Variants in PHF20L1 observed in about 807,000 individuals in gnomAD.
The protein encoded by PHF20L1 is PHD finger protein 20 like 1.
PHF20L1 carries 44 observed loss-of-function variants against 125.5 expected under a neutral mutation model. That is an observed-to-expected ratio of 0.35 (90% confidence interval 0.28 to 0.45). The LOEUF is 0.45. Among genes scored for constraint, PHF20L1 ranks in the 20% least tolerant of loss-of-function variants. PHF20L1 has a pLI of 1.00. For synonymous variants in PHF20L1, 380 were observed against 403.1 expected (o/e 0.94, Z 0.69); for missense variants, 1,012 against 1,217.2 (o/e 0.83, Z 2.51).
At chr8:132,845,655 G>A (rs1380952371) in intron 20 of PHF20L1, 126 bp from the exon 21 acceptor site, 2 of 670,894 alleles carry the variant, frequency 3.0e-6, no homozygotes, top group African/African-American at 1.8e-5. Context: ...TCTTGAGTAT[G>A]TTGGCCTTCT....
chr8:132,798,772 G>T lies in PHF20L1; in HGVS notation c.341G>T (p.Gly114Val). 1 of 1,593,940 alleles carries T rather than the reference G, an allele frequency of 6.3e-7. No individual in the cohort carries two copies. The highest frequency in any genetic ancestry group is 8.6e-7 in the Non-Finnish European group (1 of 1,165,080). The change falls in exon 5 of 21, where the codon GGA becomes GTA. Residue 114 changes from glycine (G) to valine (V), a missense_variant and splice_region_variant. Physicochemically the swap from Gly to Val is moderately radical, Grantham distance 109 (BLOSUM62 -3). Transcript: ENST00000395386. ...PAKIEAINKE[G>V]TFTVQFYDGV... ...TGATTCTGACTTGCTCCTGTTTCAG[G>T]AACATTTACAGTTCAGTTTTATGAT...
chr8:132,798,848 T>A lies in PHF20L1; in HGVS notation c.417T>A (p.Asp139Glu), dbSNP rs762164069. The A allele has an allele frequency of 1.2e-6, 2 of 1,606,656 alleles. No individual in the cohort carries two copies. The highest frequency in any genetic ancestry group is 3.4e-5 in the Admixed American group (2 of 59,644). Reference protein sequence around the residue: ...KRMHIKAMPEDAKGQVKSQHP... With the variant: ...KRMHIKAMPEEAKGQVKSQHP... ...TGCACATTAAAGCCATGCCCGAGGA[T>A]GCTAAGGGGCAGGTAAGAGTGTTCA... The change falls in exon 5 of 21, where the codon GAT becomes GAA. Residue 139 changes from aspartate to glutamate, a missense_variant. Around this residue, in one of 7 missense-constraint regions of PHF20L1, gnomAD observed 94 missense variants for 179.5 expected, o/e 0.52. Coordinates refer to ENST00000395386, the MANE Select transcript of PHF20L1 (RefSeq NM_016018.5).
At chr8:132,823,405 A>G (rs914597700) in intron 12 of PHF20L1, among the ~76,000 whole-genome samples, 4 of 152,104 alleles carry the variant, frequency 2.6e-5, no homozygotes, top group Admixed American at 2.6e-4. Context: ...AGAAGTAGAA[A>G]TGGTACCTGG....
intron 2 of PHF20L1, 35 bp from the exon 3 acceptor site, chr8:132,794,375 A>T: frequency 7.3e-7 from 1 of 1,366,974 alleles, no homozygotes; most frequent in African/African-American, 1.4e-5. Flanking sequence ...AAATATAAGG[A>T]TTTTCTCTTT....
chr8:132,832,170 A>T (rs1372959918), intron 14 of PHF20L1, 65 bp from the exon 15 acceptor site: 1 of 1,050,492 alleles, frequency 9.5e-7, no homozygotes, highest in Non-Finnish European at 1.4e-6. Context: ...GACTTTCGTT[A>T]TTTTTATAGT....
At chr8:132,784,157 CTTAT>C (rs1485668548) in intron 2 of PHF20L1, among the ~76,000 whole-genome samples, 4 of 152,126 alleles carry the variant, frequency 2.6e-5, no homozygotes, top group Middle Eastern at 6.3e-3. Context: ...ACAGAGAAGA[CTTAT>C]TTATTTGAAA....
At chr8:132,812,034 T>A (rs1410653882) in intron 9 of PHF20L1, 2 of 983,968 alleles carry the variant, frequency 2.0e-6, no homozygotes, top group Non-Finnish European at 2.4e-6. Flanking sequence ...TAACAATGCG[T>A]TGTTTTGGTG....
Position 132,845,917 on chromosome 8 carries a change from T to C in PHF20L1, c.3048T>C (p.Ser1016=). ...TACAGCAGATAGCAACTCTTTGCTC[T>C]GTATGACAACAGTGAACACTTAATG... is the stretch of plus-strand genomic sequence containing the variant. ...GKVQQIATLC[S]V is the part of the protein sequence containing the mutation. Residue 1016 remains serine, a synonymous_variant, in exon 21 of 21, where the codon TCT becomes TCC. Coordinates refer to ENST00000395386, the MANE Select transcript of PHF20L1 (RefSeq NM_016018.5). The C allele has an allele frequency of 6.2e-7, 1 of 1,611,340 alleles. No homozygotes were observed. Among genetic ancestry groups the C allele is most frequent in the East Asian group, 2.2e-5 (1 of 44,846 alleles).
chr8:132,818,864 T>A (rs999667358), intron 12 of PHF20L1: 1 of 151,926 alleles, frequency 6.6e-6, no homozygotes, highest in Admixed American at 6.6e-5. Flanking sequence ...TGTATATACA[T>A]TGGGAAAATT....
intron 9 of PHF20L1, 23 bp from the exon 10 acceptor site, chr8:132,814,614 T>C (rs1414167435): frequency 3.3e-6 from 5 of 1,500,858 alleles, no homozygotes; most frequent in Admixed American, 4.4e-5. Flanking sequence ...AATAAAAATA[T>C]CAATTTTTTA....
Position 132,847,897 on chromosome 8 carries a change from A to G in PHF20L1, c.*1974A>G, listed in dbSNP as rs1838527721. 6.6e-6 allele frequency: 1 copy of G among 152,250 alleles called. No individual in the cohort carries two copies. Among genetic ancestry groups the G allele is most frequent in the South Asian group, 2.1e-4 (1 of 4,836 alleles). 9.4% of individuals were successfully genotyped at this position (152,250 alleles called of 1,614,324 possible). A position where few individuals can be genotyped will look rare whatever the true frequency, so the allele number is the denominator to read the frequency against. On this transcript the variant is annotated 3_prime_UTR_variant, in exon 21 of 21. Transcript: ENST00000395386. ...GTAAATTTGCTAATGTCTATATTTT[A>G]TGATTGATACTATTATTTTTCCTTT...
chr8:132,824,155 C>T, intron 13 of PHF20L1, 95 bp downstream of exon 13: 1 of 719,760 alleles, frequency 1.4e-6, no homozygotes, highest in South Asian at 1.8e-5. Flanking sequence ...GTTAATGCTA[C>T]CTTAGGTGTA....
intron 9 of PHF20L1, chr8:132,811,628 C>T: frequency 1.0e-6 from 1 of 982,598 alleles, no homozygotes; most frequent in South Asian, 4.7e-5. Flanking sequence ...GTTTAAAAAA[C>T]TATTAAGGGT....
rs1013380374 is a variant in PHF20L1, at chr8:132,817,513, T to C, written c.1547T>C (p.Ile516Thr). The change falls in exon 12 of 21, where the codon ATA becomes ACA. Residue 516 changes from isoleucine (I) to threonine (T), a missense_variant. Ile to Thr is a moderately conservative substitution (Grantham distance 89). Coordinates refer to ENST00000395386, the MANE Select transcript of PHF20L1 (RefSeq NM_016018.5). ...CTTCCAAATCCTTCTTCCAAAGCAA[T>C]AGCTGATGGAAGAGGAGCTCCAGCA... ...QMLPNPSSKA[I>T]ADGRGAPAAA... 3 of 1,611,824 alleles carry C rather than the reference T, an allele frequency of 1.9e-6. No individual in the cohort carries two copies. Among genetic ancestry groups the C allele is most frequent in the Non-Finnish European group, 2.5e-6 (3 of 1,178,904 alleles).
intron 14 of PHF20L1, among the ~76,000 whole-genome samples, chr8:132,825,880 G>A (rs1049061254): frequency 1.3e-5 from 2 of 152,062 alleles, no homozygotes; most frequent in African/African-American, 4.8e-5. Context: ...GGCCCTGGGG[G>A]CTTCCAGAGG....
chr8:132,779,861 T>A (rs2131303211), intron 2 of PHF20L1, among the ~76,000 whole-genome samples: 1 of 152,326 alleles, frequency 6.6e-6, no homozygotes, highest in South Asian at 2.1e-4. Flanking sequence ...TTGTATCTTC[T>A]TGCCACAAAA....
chr8:132,835,964 G>A (rs1289906500), intron 15 of PHF20L1, among the ~76,000 whole-genome samples: 1 of 151,740 alleles, frequency 6.6e-6, no homozygotes, highest in Admixed American at 6.6e-5. Flanking sequence ...TTTATAGTAT[G>A]AATAATAAAA....
chr8:132,824,198 A>AGGGGAAAAATAT, intron 13 of PHF20L1, 138 bp downstream of exon 13: 1 of 532,744 alleles, frequency 1.9e-6, no homozygotes, highest in Non-Finnish European at 3.4e-6. Flanking sequence ...TACTAGTGTT[A>AGGGGAAAAATAT]GTCAGCTCCA....
Position 132,837,762 on chromosome 8 carries a change from G to A in PHF20L1, c.2142G>A (p.Glu714=), listed in dbSNP as rs1837526616. Reference sequence around the variant, plus strand: ...ACAGCGTGTGCATGGGGCTGCTGGAGGAGAGCATTCCAGAGCAGTACATCT... The same window carrying A: ...ACAGCGTGTGCATGGGGCTGCTGGAAGAGAGCATTCCAGAGCAGTACATCT... ...WQHSVCMGLL[E]ESIPEQYICY... Residue 714 remains glutamate (E), a synonymous_variant, in exon 17 of 21, where the codon GAG becomes GAA. Transcript: ENST00000395386. 1 of 1,613,180 alleles carries A rather than the reference G, an allele frequency of 6.2e-7. No homozygotes were observed. Among genetic ancestry groups the A allele is most frequent in the Non-Finnish European group, 8.5e-7 (1 of 1,179,472 alleles).
Sources: allele counts gnomAD v4.1 joint callset (sites outside exome capture counted in the v4.1 genomes callset), GRCh38; gene constraint gnomAD v4.1.1; regional missense constraint gnomAD v4.1.1; transcripts MANE v1.5; gene names NCBI Gene and HGNC (gene_info 2026-07-23, HGNC 2026-07-21).